Variants in CSMD1 observed in about 807,000 individuals in gnomAD.
CSMD1 encodes the protein CUB and sushi domain-containing protein 1.
Under a neutral mutation model 417.5 loss-of-function variants are expected in CSMD1, and 213 were observed. The ratio of observed to expected loss-of-function variants is 0.51; its 90% CI spans 0.46 to 0.57. The LOEUF is 0.57. Among genes scored for constraint, CSMD1 ranks in the 20% least tolerant of loss-of-function variants. The pLI is 0.00. For missense variants in CSMD1, 6,923 were observed against 4,529.7 expected (o/e 1.53, Z -15.17); for synonymous variants, 2,862 against 1,736.8 (o/e 1.65, Z -16.11).
chr8:3,734,143 A>G (rs947457887), intron 6 of CSMD1, among the ~76,000 whole-genome samples: 6 of 152,234 alleles, frequency 3.9e-5, no homozygotes, highest in African/African-American at 7.2e-5. Flanking sequence ...TTAATTATTT[A>G]AGGATACTAC....
At position 3,918,270 on chromosome 8, in the gene CSMD1, C is replaced by T. The variant is rs183048500; in HGVS notation, c.818+79633G>A. The stretch of plus-strand genomic sequence containing the variant: ...TTGTTGTTGTTGTTGTTGTTTTTAG[C>T]AGCCTACAAACTCTTTTCATAAGGA... On this transcript the variant is annotated intron_variant, in intron 5 of 69. Coordinates refer to ENST00000635120, the MANE Select transcript of CSMD1 (RefSeq NM_033225.6). 4.6e-5 allele frequency among the ~76,000 whole-genome samples: 7 copies of T among 152,116 alleles called. No individual in the cohort carries two copies. The East Asian group carries it at 1.4e-3, about 29-fold the overall frequency.
intron 2 of CSMD1, among the ~76,000 whole-genome samples, chr8:4,519,285 CTT>C (rs1209447109): frequency 6.6e-6 from 1 of 151,722 alleles, no homozygotes; most frequent in Non-Finnish European, 1.5e-5. Context: ...TATAAAATAT[CTT>C]TTAAATGGAA....
chr8:4,141,213 TG>T, intron 3 of CSMD1, among the ~76,000 whole-genome samples: 1 of 151,172 alleles, frequency 6.6e-6, no homozygotes, highest in Non-Finnish European at 1.5e-5. Flanking sequence ...TCAGAAAGAC[TG>T]GAAACCTTCA....
intron 1 of CSMD1, among the ~76,000 whole-genome samples, chr8:4,926,827 G>A (rs998895309): frequency 6.6e-6 from 1 of 151,976 alleles, no homozygotes; most frequent in Non-Finnish European, 1.5e-5. Context: ...TATCTACCTA[G>A]AACTCCTCCC....
At chr8:3,391,490 G>A (rs368822682) in intron 17 of CSMD1, among the ~76,000 whole-genome samples, 10 of 152,166 alleles carry the variant, frequency 6.6e-5, no homozygotes, top group African/African-American at 1.7e-4. Flanking sequence ...ATTCTGGAGC[G>A]AGAATGCAAT....
intron 1 of CSMD1, among the ~76,000 whole-genome samples, chr8:4,947,502 G>T (rs182346733): frequency 2.0e-5 from 3 of 152,110 alleles, no homozygotes; most frequent in Non-Finnish European, 4.4e-5. Flanking sequence ...AGAACCATGT[G>T]GTAATAACAT....
chr8:3,104,725 T>TG (rs397937092), intron 46 of CSMD1, among the ~76,000 whole-genome samples: 2 of 145,924 alleles, frequency 1.4e-5, no homozygotes, highest in Non-Finnish European at 3.0e-5. Context: ...TTTTTTTTTT[T>TG]GAGACAGAGT....
At chr8:3,501,997 T>G (rs1016462119) in intron 10 of CSMD1, among the ~76,000 whole-genome samples, 1 of 152,158 alleles carries the variant, frequency 6.6e-6, no homozygotes, top group Non-Finnish European at 1.5e-5. Flanking sequence ...TACAGTCACT[T>G]TGGAAGATAC....
chr8:4,722,543 A>G (rs1809126445), intron 1 of CSMD1, among the ~76,000 whole-genome samples: 1 of 152,102 alleles, frequency 6.6e-6, no homozygotes, highest in East Asian at 1.9e-4. Context: ...TGAATGGGGT[A>G]GAACTTTCCA....
chr8:4,087,347 C>G (rs1800473064), intron 3 of CSMD1, among the ~76,000 whole-genome samples: 1 of 152,182 alleles, frequency 6.6e-6, no homozygotes, highest in African/African-American at 2.4e-5. Context: ...GAACCACTTG[C>G]AAGTCTGAAT....
At chr8:3,271,097 G>A (rs1366189854) in intron 26 of CSMD1, among the ~76,000 whole-genome samples, 1 of 99,966 alleles carries the variant, frequency 1.0e-5, no homozygotes, top group Non-Finnish European at 1.9e-5. Context: ...CCCCACAACA[G>A]TCCCCAGAGT....
chr8:3,357,344 G>A (rs972164710), intron 21 of CSMD1, among the ~76,000 whole-genome samples: 1 of 152,166 alleles, frequency 6.6e-6, no homozygotes, highest in East Asian at 1.9e-4. Context: ...GAGTCTTTTT[G>A]TCTTAACATT....
intron 3 of CSMD1, among the ~76,000 whole-genome samples, chr8:4,156,204 G>A (rs1252734716): frequency 1.3e-5 from 2 of 152,144 alleles, no homozygotes; most frequent in Non-Finnish European, 2.9e-5. Flanking sequence ...TCTGGACTGG[G>A]ATCACTGTGA....
At chr8:4,655,968 A>G (rs1430107404) in intron 1 of CSMD1, among the ~76,000 whole-genome samples, 2 of 152,156 alleles carry the variant, frequency 1.3e-5, no homozygotes, top group Non-Finnish European at 2.9e-5. Flanking sequence ...GTTCCATGTT[A>G]GTGCAGAGGG....
chr8:4,832,993 A>C (rs1380731736), intron 1 of CSMD1, among the ~76,000 whole-genome samples: 1 of 152,190 alleles, frequency 6.6e-6, no homozygotes, highest in East Asian at 1.9e-4. Flanking sequence ...ACCATTTCTG[A>C]TTTAAAATAA....
rs961242665 is a variant in CSMD1 at position 3,664,001 on chromosome 8, G to C, written c.1009+44413C>G. Among the ~76,000 whole-genome samples, 8 of 152,132 alleles carry C rather than the reference G, an allele frequency of 5.3e-5. No individual in the cohort carries two copies. The East Asian group carries it at 1.3e-3, about 26-fold the overall frequency. ...TCTTATTGTAAATCTTCAGCCATTG[G>C]ATGGCTTGAGTTAAAGTTCTTAATC... On this transcript the variant is annotated intron_variant, in intron 7 of 69. Transcript: ENST00000635120.
chr8:4,854,383 T>C (rs997682681), intron 1 of CSMD1, among the ~76,000 whole-genome samples: 4 of 152,122 alleles, frequency 2.6e-5, no homozygotes, highest in African/African-American at 9.7e-5. Flanking sequence ...TTTGGTTGTT[T>C]AGAAGCGTGT....
At chr8:4,675,053 G>C (rs1046917087) in intron 1 of CSMD1, among the ~76,000 whole-genome samples, 2 of 152,146 alleles carry the variant, frequency 1.3e-5, no homozygotes, top group African/African-American at 4.8e-5. Context: ...GGACGCACAG[G>C]GCTCCAGAAC....
intron 3 of CSMD1, among the ~76,000 whole-genome samples, chr8:4,077,779 G>A (rs149176529): frequency 1.7e-3 from 257 of 152,158 alleles, no homozygotes; most frequent in African/African-American, 5.6e-3. Context: ...GCATTTTTCA[G>A]CTCATTCCAA....
Sources: allele counts gnomAD v4.1 joint callset (sites outside exome capture counted in the v4.1 genomes callset), GRCh38; gene constraint gnomAD v4.1.1; transcripts MANE v1.5; gene names NCBI Gene and HGNC (gene_info 2026-07-23, HGNC 2026-07-21).